Variants in CTNNA3 observed in about 807,000 individuals in gnomAD.
The protein encoded by CTNNA3 is catenin alpha 3, also known as catenin alpha-3.
CTNNA3 carries 76 observed loss-of-function variants against 95.7 expected under a neutral mutation model. That is an observed-to-expected ratio of 0.79 (90% CI 0.66 to 0.96). The LOEUF (loss-of-function observed/expected upper bound fraction) is 0.96. Ranked by LOEUF, CTNNA3 falls within the 40% of genes least tolerant of loss-of-function variation. The pLI is 0.00. For missense variants in CTNNA3, 1,191 were observed against 1,089.8 expected (o/e 1.09, Z -1.31); for synonymous variants, 431 against 374.4 (o/e 1.15, Z -1.74).
At chr10:67,740,635 C>T (rs1841331672) in intron 1 of CTNNA3, among the ~76,000 whole-genome samples, 1 of 151,294 alleles carries the variant, frequency 6.6e-6, no homozygotes, top group Admixed American at 6.6e-5. Flanking sequence ...GTTAGAATGG[C>T]AGTCATTAAA....
rs925682102 is a variant in CTNNA3, at chr10:66,399,612, A to G, written c.1532-20260T>C. ...ACACTTACTCTGTCATCAGCTATCAAAGCCAAAATGCAAAATTCCTTTGTT... is the reference window on the plus strand; with the variant it reads ...ACACTTACTCTGTCATCAGCTATCAGAGCCAAAATGCAAAATTCCTTTGTT... On this transcript the variant is annotated intron_variant, in intron 11 of 17. Transcript: ENST00000433211. 1.9e-4 allele frequency among the ~76,000 whole-genome samples: 29 copies of G among 152,088 alleles called. No individual in the cohort carries two copies. The East Asian group carries it at 4.1e-3, about 21-fold the overall frequency.
chr10:65,937,157 T>G (rs2133164458), intron 17 of CTNNA3, among the ~76,000 whole-genome samples: 1 of 152,228 alleles, frequency 6.6e-6, no homozygotes, highest in East Asian at 1.9e-4. Context: ...CTTCTTTGAC[T>G]TTACATCTGC....
intron 7 of CTNNA3, among the ~76,000 whole-genome samples, chr10:67,050,509 C>G (rs533462442): frequency 6.6e-6 from 1 of 152,306 alleles, no homozygotes; most frequent in African/African-American, 2.4e-5. Context: ...ACAGCAGGCT[C>G]TGACTGAAAA....
chr10:67,662,190 CTA>C (rs1840209099), intron 1 of CTNNA3, among the ~76,000 whole-genome samples: 1 of 152,080 alleles, frequency 6.6e-6, no homozygotes, highest in Non-Finnish European at 1.5e-5. Flanking sequence ...GTACCAAACC[CTA>C]TATATACTAT....
At chr10:67,119,425 C>T (rs1161639971) in intron 7 of CTNNA3, among the ~76,000 whole-genome samples, 2 of 151,832 alleles carry the variant, frequency 1.3e-5, no homozygotes, top group African/African-American at 4.8e-5. Flanking sequence ...CACAAAAACT[C>T]ATTAATTAAA....
intron 13 of CTNNA3, among the ~76,000 whole-genome samples, chr10:66,270,113 G>A (rs555213373): frequency 2.7e-4 from 41 of 151,532 alleles, no homozygotes; most frequent in Non-Finnish European, 4.6e-4. Context: ...AAGTAACATC[G>A]CATGTTCTTG....
intron 11 of CTNNA3, among the ~76,000 whole-genome samples, chr10:66,468,257 G>T (rs1281154529): frequency 6.6e-6 from 1 of 151,962 alleles, no homozygotes; most frequent in African/African-American, 2.4e-5. Flanking sequence ...GGAATTAATT[G>T]CGATGTATTT....
intron 7 of CTNNA3, among the ~76,000 whole-genome samples, chr10:67,122,461 A>C (rs536936265): frequency 3.2e-4 from 48 of 151,074 alleles, no homozygotes; most frequent in Admixed American, 1.5e-3. Flanking sequence ...CAAAAATCTC[A>C]TTAGCCATTA....
chr10:67,759,661 T>A (rs1166145811), intron 1 of CTNNA3, among the ~76,000 whole-genome samples: 1 of 152,180 alleles, frequency 6.6e-6, no homozygotes, highest in Admixed American at 6.5e-5. Context: ...GAATAATCAC[T>A]TTGATAACTG....
intron 5 of CTNNA3, among the ~76,000 whole-genome samples, chr10:67,391,033 A>G (rs1474423441): frequency 6.6e-6 from 1 of 152,094 alleles, no homozygotes; most frequent in Non-Finnish European, 1.5e-5. Context: ...CCTATTCAAC[A>G]TAGTGTTGGA....
chr10:66,896,674 A>T (rs1236207882), intron 7 of CTNNA3, among the ~76,000 whole-genome samples: 1 of 152,150 alleles, frequency 6.6e-6, no homozygotes, highest in Non-Finnish European at 1.5e-5. Flanking sequence ...CACCCATAGT[A>T]CAAGGACTTC....
At position 66,536,195 on chromosome 10, in the gene CTNNA3, A is replaced by T. The variant is rs181442124; in HGVS notation, c.1375-15422T>A. Among the ~76,000 whole-genome samples the T allele has an allele frequency of 4.9e-4, 74 of 151,878 alleles. 1 individual carries two copies. In the East Asian group the frequency reaches 8.9e-3, roughly 18 times the overall value. Reference sequence around the variant, plus strand: ...AGAGAGAGACAGAGAGAGAGAAATTAAAAAAGGTAATCCTTGTGGCTCACA... The same window carrying T: ...AGAGAGAGACAGAGAGAGAGAAATTTAAAAAGGTAATCCTTGTGGCTCACA... On this transcript the variant is annotated intron_variant, in intron 10 of 17. Transcript: ENST00000433211.
chr10:66,142,008 T>C (rs1169382896), intron 13 of CTNNA3, among the ~76,000 whole-genome samples: 3 of 152,180 alleles, frequency 2.0e-5, no homozygotes, highest in Admixed American at 2.0e-4. Flanking sequence ...AGCTTACATT[T>C]TAATAAAGTC....
chr10:66,192,754 A>AT (rs1408773547), intron 13 of CTNNA3, among the ~76,000 whole-genome samples: 2 of 152,120 alleles, frequency 1.3e-5, no homozygotes, highest in Middle Eastern at 3.4e-3. Flanking sequence ...TTCCCAAAAC[A>AT]TTTTTTTACA....
At chr10:66,792,058 G>C (rs993933106) in intron 7 of CTNNA3, among the ~76,000 whole-genome samples, 2 of 152,062 alleles carry the variant, frequency 1.3e-5, no homozygotes, top group African/African-American at 4.8e-5. Flanking sequence ...TTTACCTACA[G>C]AAAATATTTC....
At chr10:67,231,354 T>A (rs946655944) in intron 5 of CTNNA3, among the ~76,000 whole-genome samples, 9 of 152,212 alleles carry the variant, frequency 5.9e-5, no homozygotes, top group Non-Finnish European at 1.2e-4. Context: ...CCTCCTCAAG[T>A]GGGTCCCTCA....
chr10:65,976,414 A>C (rs1196215110), intron 16 of CTNNA3, among the ~76,000 whole-genome samples: 1 of 152,090 alleles, frequency 6.6e-6, no homozygotes, highest in Non-Finnish European at 1.5e-5. Flanking sequence ...CTATCAAGAG[A>C]CTCTTCCAAG....
intron 5 of CTNNA3, among the ~76,000 whole-genome samples, chr10:67,387,251 G>T (rs900635335): frequency 2.6e-5 from 4 of 152,290 alleles, no homozygotes; most frequent in Non-Finnish European, 5.9e-5. Context: ...CTGGGGAAGC[G>T]CAAGGGGTCA....
intron 5 of CTNNA3, among the ~76,000 whole-genome samples, chr10:67,490,200 T>C (rs1848597536): frequency 6.6e-6 from 1 of 152,188 alleles, no homozygotes; most frequent in Non-Finnish European, 1.5e-5. Flanking sequence ...TGTAGACAAT[T>C]TATGTAGCCA....
Sources: gnomAD v4.1 joint callset for allele counts (sites outside exome capture counted in the v4.1 genomes callset) on GRCh38, gnomAD v4.1.1 for gene constraint, MANE v1.5 for transcripts, NCBI Gene and HGNC (gene_info 2026-07-23, HGNC 2026-07-21) for gene names.